The following NKIRAS1 variants were observed in gnomAD, a reference collection of about 807,000 sequenced individuals.
The protein encoded by NKIRAS1 is NF-kappa-B inhibitor-interacting Ras-like protein 1.
Under a neutral mutation model 19.8 loss-of-function variants are expected in NKIRAS1, and 16 were observed. That is an observed-to-expected ratio of 0.81 (90% CI 0.55 to 1.23). NKIRAS1 has a LOEUF of 1.23. Ranked by LOEUF, NKIRAS1 falls within the 50% of genes most tolerant of loss-of-function variation. The pLI, the probability that NKIRAS1 is intolerant of heterozygous loss-of-function variation, is 0.00. For synonymous variants in NKIRAS1, 88 were observed against 79.0 expected, an observed-to-expected ratio of 1.11 and a Z score of -0.61; for missense variants, 184 against 220.0, an observed-to-expected ratio of 0.84 and a Z score of 1.04.
chr3:23,914,171 TAA>T (rs5847260), intron 1 of NKIRAS1, among the ~76,000 whole-genome samples: 797 of 144,636 alleles, frequency 5.5e-3, no homozygotes, highest in African/African-American at 8.7e-3. Context: ...AACTTGAGGC[TAA>T]AAAAAAAAAA....
At chr3:23,943,235 T>C (rs1705541149) in intron 1 of NKIRAS1, among the ~76,000 whole-genome samples, 1 of 152,212 alleles carries the variant, frequency 6.6e-6, no homozygotes, top group Non-Finnish European at 1.5e-5. Flanking sequence ...AGTTTTGCCT[T>C]TTCTTCCTTT....
chr3:23,925,951 C>T (rs1343604006), intron 1 of NKIRAS1, among the ~76,000 whole-genome samples: 4 of 152,222 alleles, frequency 2.6e-5, no homozygotes, highest in African/African-American at 9.7e-5. Context: ...TTCAAATGCT[C>T]AGTGGGCACA....
intron 3 of NKIRAS1, 142 bp downstream of exon 3, chr3:23,910,669 T>A: frequency 1.6e-6 from 1 of 634,412 alleles, no homozygotes. Flanking sequence ...CCTCCTCTTT[T>A]CTTACCTCTT....
intron 3 of NKIRAS1, among the ~76,000 whole-genome samples, chr3:23,903,485 A>G (rs1368361634): frequency 1.3e-5 from 2 of 152,198 alleles, no homozygotes; most frequent in African/African-American, 4.8e-5. Context: ...AGAGACCAAC[A>G]AGAAGAGACC....
intron 1 of NKIRAS1, among the ~76,000 whole-genome samples, chr3:23,925,637 A>AAATAAATAAAT (rs1553646004): frequency 1.3e-5 from 2 of 151,338 alleles, no homozygotes. Flanking sequence ...CTGTCTCAAA[A>AAATAAATAAAT]AAATAAATAA....
intron 1 of NKIRAS1, among the ~76,000 whole-genome samples, chr3:23,937,615 A>C (rs935070206): frequency 2.6e-5 from 4 of 151,688 alleles, no homozygotes; most frequent in Admixed American, 2.6e-4. Flanking sequence ...ACTGTGACCG[A>C]GAGTATTGAA....
At position 23,893,006 on chromosome 3, in the gene NKIRAS1, G is replaced by A. The variant is rs1701587850; in HGVS notation, c.*89C>T. On this transcript the variant is annotated 3_prime_UTR_variant, in exon 5 of 5. Transcript: ENST00000425478. ...CTAAGGACCAAAGGTAGATACAAAT[G>A]GCCTATTTTAAATAGTAATATTACT... The A allele has an allele frequency of 3.0e-6, 4 of 1,334,266 alleles. No individual in the cohort carries two copies. In the South Asian group the frequency reaches 7.1e-5, roughly 24 times the overall value. 82.7% of individuals were successfully genotyped at this position (1,334,266 alleles called of 1,614,324 possible).
chr3:23,920,326 T>C (rs1326799179), upstream of NKIRAS1: 6 of 985,600 alleles, frequency 6.1e-6, no homozygotes, highest in Non-Finnish European at 7.2e-6. Context: ...AAAAACATCT[T>C]GGGTTACCCA....
intron 1 of NKIRAS1, among the ~76,000 whole-genome samples, chr3:23,932,031 A>G (rs932042021): frequency 6.6e-6 from 1 of 152,210 alleles, no homozygotes; most frequent in Non-Finnish European, 1.5e-5. Flanking sequence ...CCCAAAACCA[A>G]CTGACTACAG....
intron 1 of NKIRAS1, among the ~76,000 whole-genome samples, chr3:23,934,555 T>G (rs1261894009): frequency 1.3e-5 from 2 of 152,232 alleles, no homozygotes; most frequent in African/African-American, 4.8e-5. Context: ...CTTTTCTTTA[T>G]GCTGCGATCA....
chr3:23,921,870 C>T (rs1172670850), upstream of NKIRAS1: 2 of 474,396 alleles, frequency 4.2e-6, no homozygotes, highest in Non-Finnish European at 3.7e-6. Context: ...CCACCACCCC[C>T]AGCCCAATTT....
intron 1 of NKIRAS1, among the ~76,000 whole-genome samples, chr3:23,942,197 T>A (rs1705512774): frequency 6.6e-6 from 1 of 152,106 alleles, no homozygotes; most frequent in Non-Finnish European, 1.5e-5. Context: ...CAGGCTGGTC[T>A]TGAACTCCTG....
At chr3:23,924,927 C>T (rs550415533) in intron 1 of NKIRAS1, among the ~76,000 whole-genome samples, 2 of 152,140 alleles carry the variant, frequency 1.3e-5, no homozygotes, top group African/African-American at 2.4e-5. Context: ...GATCATACTT[C>T]ATGTATGTTA....
intron 3 of NKIRAS1, among the ~76,000 whole-genome samples, chr3:23,906,646 AT>A (rs11293534): frequency 0.2 from 28,767 of 140,962 alleles, 2,644 homozygotes; most frequent in Non-Finnish European, 0.21. Context: ...CTTCCTTATG[AT>A]TTTTTTTTTT....
At chr3:23,930,854 C>T (rs1705302533) in intron 1 of NKIRAS1, among the ~76,000 whole-genome samples, 1 of 151,260 alleles carries the variant, frequency 6.6e-6, no homozygotes, top group Admixed American at 6.6e-5. Context: ...AGGTGCATGC[C>T]ACCATGTCCG....
At chr3:23,916,647 C>A (rs891302827) in intron 1 of NKIRAS1, 137 bp downstream of exon 1, 1 of 152,522 alleles carries the variant, frequency 6.6e-6, no homozygotes, top group Admixed American at 6.5e-5. Flanking sequence ...GGGGAAGCGT[C>A]GGGGGATCTC....
chr3:23,921,229 C>T (rs1705062974), upstream of NKIRAS1, among the ~76,000 whole-genome samples: 2 of 152,176 alleles, frequency 1.3e-5, no homozygotes, highest in South Asian at 4.1e-4. Flanking sequence ...TGTTCCTGTC[C>T]TTGCTACCCA....
chr3:23,914,827 C>G (rs998049805), intron 1 of NKIRAS1, among the ~76,000 whole-genome samples: 4 of 152,206 alleles, frequency 2.6e-5, no homozygotes, highest in Non-Finnish European at 5.9e-5. Flanking sequence ...AATTGTTTTT[C>G]CAAATGATTC....
chr3:23,944,761 C>T (rs895021563), intron 1 of NKIRAS1, among the ~76,000 whole-genome samples: 3 of 150,486 alleles, frequency 2.0e-5, no homozygotes, highest in Admixed American at 6.7e-5. Flanking sequence ...GATAAAATCA[C>T]CTAGAGGGTG....
Sources: gnomAD v4.1 joint callset for allele counts (sites outside exome capture counted in the v4.1 genomes callset) on GRCh38, gnomAD v4.1.1 for gene constraint, MANE v1.5 for transcripts, NCBI Gene and HGNC (gene_info 2026-07-23, HGNC 2026-07-21) for gene names.